RGL1: variants seen among roughly 807,000 people sequenced by gnomAD.
RGL1 encodes ral guanine nucleotide dissociation stimulator like 1.
RGL1 carries 24 observed loss-of-function variants against 95.2 expected under a neutral mutation model. The ratio of observed to expected loss-of-function variants is 0.25; its 90% CI spans 0.18 to 0.35. The LOEUF is 0.35. RGL1 is among the 10% of genes least tolerant of loss of function. The pLI is 1.00. For missense variants in RGL1, 715 were observed against 936.3 expected, an observed-to-expected ratio of 0.76 and a Z score of 3.08; for synonymous variants, 329 against 344.9, an observed-to-expected ratio of 0.95 and a Z score of 0.51.
chr1:183,806,430 C>T lies in RGL1; in HGVS notation c.83C>T (p.Thr28Ile). 2 of 1,614,026 alleles carry T rather than the reference C, an allele frequency of 1.2e-6. No individual in the cohort carries two copies. Among genetic ancestry groups the T allele is most frequent in the Non-Finnish European group, 1.7e-6 (2 of 1,179,994 alleles). ...GAGGAAGGAGCTGTTTACCATGTCA[C>T]CCTCAAAAGAGTCCAGATTCAACAG... Reference protein sequence around the residue: ...EVEEGAVYHVTLKRVQIQQAA... With the variant: ...EVEEGAVYHVILKRVQIQQAA... The change falls in exon 2 of 18, where the codon ACC becomes ATC. Residue 28 changes from threonine (T) to isoleucine (I), a missense_variant. By Grantham distance (89) the Thr-to-Ile change is moderately conservative. Coordinates refer to ENST00000360851, the MANE Select transcript of RGL1 (RefSeq NM_001297671.3).
At chr1:183,750,318 A>G (rs1572366243) in intron 2 of RGL1, among the ~76,000 whole-genome samples, 2 of 151,888 alleles carry the variant, frequency 1.3e-5, no homozygotes, top group African/African-American at 4.8e-5. Context: ...TTGATCTTCA[A>G]TCTCTAATAT....
intron 1 of RGL1, among the ~76,000 whole-genome samples, chr1:183,731,976 T>A (rs1027816719): frequency 6.6e-6 from 1 of 152,154 alleles, no homozygotes; most frequent in Non-Finnish European, 1.5e-5. Flanking sequence ...CCCTGCCCCA[T>A]ACACACCTCG....
At chr1:183,668,734 G>A (rs982476356) in intron 1 of RGL1, among the ~76,000 whole-genome samples, 2 of 151,848 alleles carry the variant, frequency 1.3e-5, no homozygotes, top group Non-Finnish European at 2.9e-5. Context: ...TAGATCTGTG[G>A]ATTGGTGTCT....
intron 3 of RGL1, among the ~76,000 whole-genome samples, chr1:183,859,282 A>G (rs1362814949): frequency 1.3e-5 from 2 of 152,238 alleles, no homozygotes; most frequent in African/African-American, 4.8e-5. Context: ...GGAATGGAAA[A>G]TAGAAGAAAC....
At chr1:183,707,625 G>A (rs183525182) in intron 1 of RGL1, among the ~76,000 whole-genome samples, 2 of 152,020 alleles carry the variant, frequency 1.3e-5, no homozygotes, top group East Asian at 1.9e-4. Flanking sequence ...GTAAGGTGGC[G>A]GGATGAATTT....
At chr1:183,834,139 C>T (rs1028429928) in intron 2 of RGL1, among the ~76,000 whole-genome samples, 5 of 151,658 alleles carry the variant, frequency 3.3e-5, no homozygotes, top group Non-Finnish European at 5.9e-5. Flanking sequence ...TATGAGTTGG[C>T]GTCTTATCTG....
chr1:183,865,877 A>G (rs1167717711), intron 3 of RGL1, 119 bp from the exon 4 acceptor site: 10 of 696,910 alleles, frequency 1.4e-5, no homozygotes, highest in African/African-American at 7.2e-5. Context: ...TTTCATAGAT[A>G]TATCTTTCCT....
At chr1:183,703,028 G>A (rs867918282) in intron 1 of RGL1, among the ~76,000 whole-genome samples, 15 of 152,242 alleles carry the variant, frequency 9.9e-5, no homozygotes, top group Middle Eastern at 3.4e-3. Flanking sequence ...ATGTCTTCCG[G>A]CCAGTTCTCT....
At chr1:183,725,134 C>T (rs567854355) in intron 1 of RGL1, among the ~76,000 whole-genome samples, 17 of 152,300 alleles carry the variant, frequency 1.1e-4, no homozygotes, top group Middle Eastern at 3.4e-3. Context: ...TATAAGTCTG[C>T]AAGAGCCACA....
Position 183,724,827 on chromosome 1 carries a change from C to A in RGL1, c.-32-17299C>A, listed in dbSNP as rs1056335008. ...CCTTAGGGCCTTGAGTGAACACAGG[C>A]AGTAGGCAGATAGTGGTTATAGCAG... On this transcript the variant is annotated intron_variant, in intron 1 of 18. Coordinates refer to the RGL1 transcript ENST00000304685. This position sits in a 1 kb window ranked among gnomAD's most constrained non-coding sequence, Gnocchi z 4.1. 8.6e-5 allele frequency among the ~76,000 whole-genome samples: 13 copies of A among 151,988 alleles called. No homozygotes were observed. The highest frequency in any genetic ancestry group is 1.2e-4 in the Non-Finnish European group (8 of 68,000).
chr1:183,758,159 A>G (rs1324973766), intron 2 of RGL1, among the ~76,000 whole-genome samples: 1 of 152,080 alleles, frequency 6.6e-6, no homozygotes, highest in Non-Finnish European at 1.5e-5. Flanking sequence ...GGACTGCCAC[A>G]ATGAAATAGC....
intron 2 of RGL1, among the ~76,000 whole-genome samples, chr1:183,782,291 G>A (rs541302067): frequency 6.6e-6 from 1 of 152,208 alleles, no homozygotes; most frequent in East Asian, 1.9e-4. Flanking sequence ...TGCCAACTCT[G>A]CTGCCTTTAC....
intron 1 of RGL1, among the ~76,000 whole-genome samples, chr1:183,725,159 G>A (rs547468878): frequency 6.6e-6 from 1 of 152,260 alleles, no homozygotes; most frequent in Non-Finnish European, 1.5e-5. Flanking sequence ...TACTGAGCTC[G>A]AGGTGTCCCC....
In RGL1 at chr1:183,724,693, C is replaced by G. The variant is rs1223650455; in HGVS notation, c.-32-17433C>G. 1.3e-5 allele frequency among the ~76,000 whole-genome samples: 2 copies of G among 152,072 alleles called. No individual in the cohort carries two copies. Among genetic ancestry groups the G allele is most frequent in the Non-Finnish European group, 2.9e-5 (2 of 68,016 alleles). Reference sequence around the variant, plus strand: ...ATTCCTAAGATTTCCAACTCTAGGCCCTGGCTCCTGGATGGTATCTCTGGA... The same window carrying G: ...ATTCCTAAGATTTCCAACTCTAGGCGCTGGCTCCTGGATGGTATCTCTGGA... On this transcript the variant is annotated intron_variant, in intron 1 of 18. Coordinates refer to the RGL1 transcript ENST00000304685. This position sits in a 1 kb window ranked among gnomAD's most constrained non-coding sequence, Gnocchi z 4.1.
intron 2 of RGL1, among the ~76,000 whole-genome samples, chr1:183,822,896 T>A (rs1270627008): frequency 6.6e-6 from 1 of 152,208 alleles, no homozygotes; most frequent in Non-Finnish European, 1.5e-5. Flanking sequence ...GCTATTTTCC[T>A]GTTTTAGGGT....
At chr1:183,925,513 T>A (rs1669564330) in intron 17 of RGL1, among the ~76,000 whole-genome samples, 1 of 151,878 alleles carries the variant, frequency 6.6e-6, no homozygotes, top group Non-Finnish European at 1.5e-5. Context: ...ATATGCACGT[T>A]CAGCACATGT....
chr1:183,791,071 T>A (rs2102378240), intron 2 of RGL1, among the ~76,000 whole-genome samples: 1 of 152,274 alleles, frequency 6.6e-6, no homozygotes, highest in East Asian at 1.9e-4. Context: ...TAAACAAAAG[T>A]AACTACTCCT....
intron 2 of RGL1, among the ~76,000 whole-genome samples, chr1:183,774,152 T>C (rs1306767710): frequency 3.3e-5 from 5 of 152,094 alleles, no homozygotes; most frequent in African/African-American, 1.2e-4. Context: ...ACAGGGAACA[T>C]GGTGTCTTCC....
intron 1 of RGL1, among the ~76,000 whole-genome samples, chr1:183,639,608 T>G (rs76617854): frequency 0.068 from 10,397 of 151,990 alleles, 617 homozygotes; most frequent in African/African-American, 0.16. Context: ...TTGTTTCAAG[T>G]TTTTCCTTTA....
Sources: gnomAD v4.1 joint callset for allele counts (sites outside exome capture counted in the v4.1 genomes callset) on GRCh38, gnomAD v4.1.1 for gene constraint, Gnocchi (gnomAD v3.1) non-coding constraint, MANE v1.5 for transcripts, NCBI Gene and HGNC (gene_info 2026-07-23, HGNC 2026-07-21) for gene names.